The following SH3RF1 variants were observed in gnomAD, a reference collection of about 807,000 sequenced individuals.
SH3RF1 encodes the protein E3 ubiquitin-protein ligase SH3RF1.
SH3RF1 carries 32 observed loss-of-function variants against 74.0 expected under a neutral mutation model. The ratio of observed to expected loss-of-function variants is 0.43; its 90% CI spans 0.33 to 0.58. The LOEUF (loss-of-function observed/expected upper bound fraction) is 0.58. Among genes scored for constraint, SH3RF1 ranks in the 20% least tolerant of loss-of-function variants. SH3RF1 has a pLI of 0.05. For missense variants in SH3RF1, 954 were observed against 1,130.9 expected, an observed-to-expected ratio of 0.84 and a Z score of 2.24; for synonymous variants, 396 against 439.6, an observed-to-expected ratio of 0.90 and a Z score of 1.24.
rs752144172 is a variant in SH3RF1, at chr4:169,136,565, A to C, written c.821T>G (p.Val274Gly). The C allele has an allele frequency of 3.4e-5, 54 of 1,591,598 alleles. No individual in the cohort carries two copies. The Middle Eastern group carries it at 6.8e-4, about 20-fold the overall frequency. ...TGCCGAGGAACATTCTCCAGCATCA[A>C]CTCCTGGCACAGGAGGCTTATCCCA... ...IEWDKPPVPG[V>G]DAGECSSAAA... Residue 274 changes from valine to glycine, a missense_variant, in exon 5 of 12, where the codon GTT (valine) becomes GGT (glycine). Coordinates refer to ENST00000284637, the MANE Select transcript of SH3RF1 (RefSeq NM_020870.4).
chr4:169,262,170 C>A (rs1423229740), intron 2 of SH3RF1, among the ~76,000 whole-genome samples: 1 of 151,948 alleles, frequency 6.6e-6, no homozygotes, highest in Non-Finnish European at 1.5e-5. Context: ...AATGAATTAG[C>A]AAATCATTGA....
At chr4:169,201,546 C>T (rs1734908479) in intron 2 of SH3RF1, among the ~76,000 whole-genome samples, 1 of 152,210 alleles carries the variant, frequency 6.6e-6, no homozygotes, top group Non-Finnish European at 1.5e-5. Context: ...ATTTAGACTT[C>T]ATGTTGCTAA....
In SH3RF1 at chr4:169,152,635, G is replaced by A. The variant is rs566285551; in HGVS notation, c.765+2845C>T. On this transcript the variant is annotated intron_variant, in intron 4 of 11. Transcript: ENST00000284637. The stretch of plus-strand genomic sequence containing the variant: ...GTCTGTAATCCCAGCTACTTGGGAG[G>A]CTGACGCAAGAGAATTGCTTGAACC... Among the ~76,000 whole-genome samples, 99 of 152,266 alleles carry A rather than the reference G, an allele frequency of 6.5e-4. 1 individual carries two copies. The South Asian group carries it at 0.02, about 31-fold the overall frequency.
At chr4:169,270,514 ACT>A (rs1204342001) in intron 1 of SH3RF1, among the ~76,000 whole-genome samples, 1 of 152,216 alleles carries the variant, frequency 6.6e-6, no homozygotes, top group Non-Finnish European at 1.5e-5. Flanking sequence ...AAGTTGCGAA[ACT>A]CAGCCCCACA....
At chr4:169,237,171 T>C (rs1021768415) in intron 2 of SH3RF1, among the ~76,000 whole-genome samples, 1 of 152,086 alleles carries the variant, frequency 6.6e-6, no homozygotes, top group Non-Finnish European at 1.5e-5. Context: ...GTCTAGTAAG[T>C]GGGAATACAA....
intron 2 of SH3RF1, among the ~76,000 whole-genome samples, chr4:169,192,739 A>G (rs1364036328): frequency 1.3e-5 from 2 of 151,180 alleles, no homozygotes; most frequent in Admixed American, 1.3e-4. Flanking sequence ...CAACCCAAAT[A>G]GCCATCAACA....
At chr4:169,150,226 T>C (rs930902590) in intron 4 of SH3RF1, among the ~76,000 whole-genome samples, 17 of 152,374 alleles carry the variant, frequency 1.1e-4, no homozygotes, top group Admixed American at 2.0e-4. Flanking sequence ...GTCAATAAAC[T>C]TATTTTAAAA....
intron 4 of SH3RF1, among the ~76,000 whole-genome samples, chr4:169,144,988 G>A (rs1357602592): frequency 6.6e-6 from 1 of 152,056 alleles, no homozygotes; most frequent in East Asian, 1.9e-4. Context: ...AGTTTCCCAG[G>A]CCAACCATCC....
chr4:169,219,561 T>C (rs1730528482), intron 2 of SH3RF1, among the ~76,000 whole-genome samples: 1 of 152,166 alleles, frequency 6.6e-6, no homozygotes. Context: ...TCCTCTGAGA[T>C]CTCTAACCAA....
chr4:169,130,810 G>A (rs1733606727), intron 5 of SH3RF1, among the ~76,000 whole-genome samples: 1 of 152,196 alleles, frequency 6.6e-6, no homozygotes, highest in East Asian at 1.9e-4. Flanking sequence ...AGTTATTCAG[G>A]TCATTTCATT....
At chr4:169,234,804 T>C (rs1042476164) in intron 2 of SH3RF1, among the ~76,000 whole-genome samples, 5 of 152,322 alleles carry the variant, frequency 3.3e-5, no homozygotes, top group Non-Finnish European at 7.3e-5. Context: ...GGTTTCTCAG[T>C]CTTGGCACTA....
At chr4:169,126,086 C>T (rs1733519185) in intron 6 of SH3RF1, among the ~76,000 whole-genome samples, 1 of 152,168 alleles carries the variant, frequency 6.6e-6, no homozygotes, top group South Asian at 2.1e-4. Flanking sequence ...TTTCCCAGTG[C>T]CCTGGAACAC....
In SH3RF1 at chr4:169,117,562, G is replaced by A; in HGVS notation, c.1738C>T (p.Gln580Ter). The change falls in exon 9 of 12, where the codon CAA (glutamine) becomes TAA (stop). Residue 580 changes from glutamine (Q) to a stop codon, truncating the protein, a stop_gained. Transcript: ENST00000284637. LOFTEE classifies it high-confidence loss of function. ...TTGCGGGCCTGGTTGACTGTCATTTGCCCCGTCATGTGCAACAAGACCTTA... is the reference window on the plus strand; with the variant it reads ...TTGCGGGCCTGGTTGACTGTCATTTACCCCGTCATGTGCAACAAGACCTTA... ...QAKVLLHMTG[Q>*]MTVNQARNAV... The A allele has an allele frequency of 6.2e-7, 1 of 1,614,198 alleles. No individual in the cohort carries two copies. The highest frequency in any genetic ancestry group is 8.5e-7 in the Non-Finnish European group (1 of 1,180,036).
intron 2 of SH3RF1, among the ~76,000 whole-genome samples, chr4:169,160,440 C>T (rs1413446827): frequency 3.9e-5 from 6 of 152,174 alleles, no homozygotes; most frequent in African/African-American, 1.4e-4. Flanking sequence ...ACTATGATAA[C>T]AGTGATATAC....
At chr4:169,118,205 G>C (rs571107684) in intron 8 of SH3RF1, among the ~76,000 whole-genome samples, 4 of 152,128 alleles carry the variant, frequency 2.6e-5, no homozygotes, top group African/African-American at 9.6e-5. Context: ...TCACACATGT[G>C]CCCATGTACA....
At chr4:169,148,789 A>G (rs1733931852) in intron 4 of SH3RF1, among the ~76,000 whole-genome samples, 2 of 152,164 alleles carry the variant, frequency 1.3e-5, no homozygotes, top group South Asian at 4.1e-4. Context: ...AGGCTTCATG[A>G]GGAATGATAG....
intron 2 of SH3RF1, among the ~76,000 whole-genome samples, chr4:169,265,994 T>A (rs1731346758): frequency 6.6e-6 from 1 of 152,178 alleles, no homozygotes; most frequent in South Asian, 2.1e-4. Context: ...TAGACAGGTA[T>A]CAGCAGTGTC....
chr4:169,246,575 T>C (rs1333374696), intron 2 of SH3RF1, among the ~76,000 whole-genome samples: 1 of 152,266 alleles, frequency 6.6e-6, no homozygotes, highest in South Asian at 2.1e-4. Context: ...CATGCAACTG[T>C]ATTTTAAACA....
At chr4:169,225,986 C>T (rs1730649110) in intron 2 of SH3RF1, among the ~76,000 whole-genome samples, 2 of 152,096 alleles carry the variant, frequency 1.3e-5, no homozygotes, top group South Asian at 4.2e-4. Flanking sequence ...TGACAGCCCC[C>T]TTAAACACAA....
Sources: allele counts gnomAD v4.1 joint callset (sites outside exome capture counted in the v4.1 genomes callset), GRCh38; gene constraint gnomAD v4.1.1; transcripts MANE v1.5; gene names NCBI Gene and HGNC (gene_info 2026-07-23, HGNC 2026-07-21).